Variants in TBC1D19 observed in about 807,000 individuals in gnomAD.
The protein encoded by TBC1D19 is TBC1 domain family member 19.
Under a neutral mutation model 89.0 loss-of-function variants are expected in TBC1D19, and 60 were observed. That is an observed-to-expected ratio of 0.67 (90% confidence interval 0.55 to 0.84). TBC1D19 has a LOEUF of 0.84. TBC1D19 is among the 40% of genes least tolerant of loss of function. TBC1D19 has a pLI of 0.00. For missense variants in TBC1D19, 500 were observed against 610.8 expected (o/e 0.82, Z 1.91); for synonymous variants, 189 against 199.7 (o/e 0.95, Z 0.45).
intron 8 of TBC1D19, among the ~76,000 whole-genome samples, chr4:26,665,785 G>C (rs1372750386): frequency 1.3e-5 from 2 of 152,054 alleles, no homozygotes; most frequent in African/African-American, 4.8e-5. Context: ...ATGTGTGTGT[G>C]TGTGTTTCAG....
chr4:26,740,713 G>A (rs1718313458), intron 17 of TBC1D19: 1 of 984,938 alleles, frequency 1.0e-6, no homozygotes, highest in Non-Finnish European at 1.2e-6. Flanking sequence ...CCTGCTGTGG[G>A]TAACATGACT....
At chr4:26,695,156 A>C (rs1450239434) in intron 13 of TBC1D19, among the ~76,000 whole-genome samples, 3 of 152,218 alleles carry the variant, frequency 2.0e-5, no homozygotes, top group Non-Finnish European at 2.9e-5. Flanking sequence ...GTAGAGAAGT[A>C]CGTAAGTGAC....
At chr4:26,595,904 G>A (rs1475308939) in intron 1 of TBC1D19, among the ~76,000 whole-genome samples, 4 of 151,844 alleles carry the variant, frequency 2.6e-5, no homozygotes. Flanking sequence ...CAACTTTGTT[G>A]TACTTCAGTA....
At chr4:26,814,743 A>G in the TBC1D19 span, among the ~76,000 whole-genome samples, 4 of 152,248 alleles carry the variant, frequency 2.6e-5, no homozygotes, top group Non-Finnish European at 5.9e-5. Context: ...TCATGCAGCC[A>G]GGCATGGTGG....
At chr4:26,705,124 T>G (rs558018703) in intron 13 of TBC1D19, among the ~76,000 whole-genome samples, 187 of 151,478 alleles carry the variant, frequency 1.2e-3, no homozygotes, top group African/African-American at 3.9e-3. Context: ...CTTGTTTTTT[T>G]TTGTTGTTGT....
intron 4 of TBC1D19, among the ~76,000 whole-genome samples, chr4:26,626,103 T>C (rs1334672242): frequency 1.3e-5 from 2 of 152,206 alleles, no homozygotes; most frequent in Admixed American, 6.6e-5. Context: ...TATTCAATTA[T>C]TTATTTACAT....
intron 13 of TBC1D19, among the ~76,000 whole-genome samples, chr4:26,693,603 G>A (rs757519118): frequency 3.3e-5 from 5 of 151,898 alleles, no homozygotes; most frequent in African/African-American, 9.7e-5. Flanking sequence ...GCTGAGATGC[G>A]AGGATCACTT....
intron 2 of TBC1D19, 99 bp from the exon 3 acceptor site, chr4:26,614,309 A>T: frequency 2.3e-6 from 2 of 851,504 alleles, no homozygotes; most frequent in Non-Finnish European, 3.6e-6. Flanking sequence ...TTCACAAATT[A>T]ATATGATGCC....
intron 4 of TBC1D19, among the ~76,000 whole-genome samples, chr4:26,633,926 G>C (rs1389702567): frequency 1.3e-5 from 2 of 152,058 alleles, no homozygotes; most frequent in Non-Finnish European, 2.9e-5. Flanking sequence ...TCCAGCTTTA[G>C]ATCCTTTACC....
chr4:26,654,705 G>C (rs1013833688), intron 7 of TBC1D19, among the ~76,000 whole-genome samples: 1 of 152,072 alleles, frequency 6.6e-6, no homozygotes, highest in African/African-American at 2.4e-5. Flanking sequence ...CGTAGTTCTC[G>C]TGCCTTGGTT....
At chr4:26,673,345 G>A (rs1248474056) in intron 10 of TBC1D19, among the ~76,000 whole-genome samples, 3 of 150,380 alleles carry the variant, frequency 2.0e-5, no homozygotes, top group African/African-American at 4.9e-5. Context: ...GAACATTCAT[G>A]ATGTAGTAGA....
At chr4:26,734,868 TTG>T (rs1258968389) in intron 15 of TBC1D19, among the ~76,000 whole-genome samples, 2 of 147,938 alleles carry the variant, frequency 1.4e-5, no homozygotes, top group African/African-American at 2.4e-5. Context: ...TCCTGTTGTT[TTG>T]TGTGTGTATA....
chr4:26,665,929 T>C (rs911481627), intron 8 of TBC1D19, among the ~76,000 whole-genome samples: 1 of 151,968 alleles, frequency 6.6e-6, no homozygotes, highest in African/African-American at 2.4e-5. Flanking sequence ...GCAGCACTCA[T>C]TGGTCAAAAG....
At chr4:26,639,532 A>G (rs904849382) in intron 6 of TBC1D19, among the ~76,000 whole-genome samples, 3 of 152,178 alleles carry the variant, frequency 2.0e-5, no homozygotes, top group Admixed American at 1.3e-4. Flanking sequence ...AGACTTTAAA[A>G]TGTTTTAAAG....
intron 13 of TBC1D19, among the ~76,000 whole-genome samples, chr4:26,689,803 A>T (rs7688132): frequency 2.0e-5 from 3 of 152,160 alleles, no homozygotes; most frequent in African/African-American, 4.8e-5. Context: ...CTTTCTATAC[A>T]CTGAGACACA....
the TBC1D19 span, among the ~76,000 whole-genome samples, chr4:26,856,612 T>A: frequency 6.6e-6 from 1 of 152,226 alleles, no homozygotes; most frequent in Non-Finnish European, 1.5e-5. Flanking sequence ...CAGGGTTTCC[T>A]TTTCTCCACA....
chr4:26,751,886 G>T (rs947472861), intron 19 of TBC1D19, among the ~76,000 whole-genome samples: 2 of 152,196 alleles, frequency 1.3e-5, no homozygotes, highest in African/African-American at 4.8e-5. Context: ...CTGATAGACA[G>T]CAGAGCCAAT....
chr4:26,718,093 A>T (rs1716755024), intron 14 of TBC1D19, 76 bp downstream of exon 14: 7 of 1,179,034 alleles, frequency 5.9e-6, no homozygotes, highest in Non-Finnish European at 8.5e-6. Flanking sequence ...ATTTTTGGAG[A>T]TAGTGGTGTT....
chr4:26,733,115 C>A (rs1717767785), intron 15 of TBC1D19, among the ~76,000 whole-genome samples: 1 of 152,180 alleles, frequency 6.6e-6, no homozygotes, highest in Non-Finnish European at 1.5e-5. Flanking sequence ...TCAGAATTTT[C>A]ACTTGTGAGC....
Sources: allele counts gnomAD v4.1 joint callset (sites outside exome capture counted in the v4.1 genomes callset), GRCh38; gene constraint gnomAD v4.1.1; transcripts MANE v1.5; gene names NCBI Gene and HGNC (gene_info 2026-07-23, HGNC 2026-07-21).